CLPB: variants seen among roughly 807,000 people sequenced by gnomAD.
CLPB encodes the protein ClpB family mitochondrial disaggregase, also known as mitochondrial disaggregase.
A neutral mutation model predicts 78.4 loss-of-function variants in CLPB; 40 were observed. The observed-to-expected ratio is 0.51, with a 90% CI of 0.40 to 0.66. The LOEUF is 0.66. CLPB is among the 30% of genes least tolerant of loss of function. The pLI is 0.00. For synonymous variants in CLPB, 333 were observed against 348.0 expected (o/e 0.96, Z 0.48); for missense variants, 780 against 886.9 (o/e 0.88, Z 1.53).
intron 2 of CLPB, among the ~76,000 whole-genome samples, chr11:72,417,715 T>C (rs1856064136): frequency 6.6e-6 from 1 of 152,168 alleles, no homozygotes; most frequent in Non-Finnish European, 1.5e-5. Context: ...GGCTGGATGT[T>C]GACCATCAGA....
intron 2 of CLPB, among the ~76,000 whole-genome samples, chr11:72,425,432 C>T (rs573821762): frequency 6.6e-5 from 10 of 152,276 alleles, no homozygotes; most frequent in African/African-American, 2.4e-4. Flanking sequence ...TTATTATCAT[C>T]TTCATGTTAG....
chr11:72,301,979 G>A lies in CLPB; in HGVS notation c.1168-15C>T, dbSNP rs926956789. On this transcript the variant is annotated splice_polypyrimidine_tract_variant and intron_variant, in intron 10 of 15. Coordinates refer to ENST00000538039, the MANE Select transcript of CLPB (RefSeq NM_001258392.3). ...AACTTGGCCACCTGGTAGAAGGAAG[G>A]AAACATGCTAGGAAGGCCTTTCTGT... 1.2e-6 allele frequency: 2 copies of A among 1,612,848 alleles called. No individual in the cohort carries two copies. Among genetic ancestry groups the A allele is most frequent in the East Asian group, 4.5e-5 (2 of 44,880 alleles).
intron 6 of CLPB, among the ~76,000 whole-genome samples, chr11:72,327,633 C>T (rs1456757576): frequency 6.6e-6 from 1 of 152,164 alleles, no homozygotes; most frequent in Non-Finnish European, 1.5e-5. Flanking sequence ...GTCACACAAG[C>T]TCAAAAGCTA....
intron 5 of CLPB, among the ~76,000 whole-genome samples, chr11:72,338,072 T>C (rs190504069): frequency 6.6e-6 from 1 of 152,162 alleles, no homozygotes; most frequent in Admixed American, 6.5e-5. Context: ...ATCCAGACAT[T>C]CCCCATTCCA....
chr11:72,426,798 A>G (rs1856392161), intron 2 of CLPB, among the ~76,000 whole-genome samples: 2 of 152,218 alleles, frequency 1.3e-5, no homozygotes, highest in Admixed American at 6.5e-5. Context: ...GATGAAATAT[A>G]GCCCACAGAC....
intron 4 of CLPB, chr11:72,372,836 T>G (rs1951068814): frequency 8.2e-7 from 1 of 1,222,398 alleles, no homozygotes; most frequent in Admixed American, 1.7e-5. Context: ...GGTAGTTAAC[T>G]TATACTGAGT....
chr11:72,311,248 G>A (rs1949840270), intron 7 of CLPB, among the ~76,000 whole-genome samples: 1 of 152,144 alleles, frequency 6.6e-6, no homozygotes, highest in African/African-American at 2.4e-5. Context: ...GGGCCTTGAG[G>A]ATCCCGTCAG....
chr11:72,362,737 T>G (rs1431798258), intron 4 of CLPB, among the ~76,000 whole-genome samples: 1 of 152,194 alleles, frequency 6.6e-6, no homozygotes, highest in African/African-American at 2.4e-5. Flanking sequence ...GCCTAGCATA[T>G]AGTAGCTCTC....
At chr11:72,371,166 C>T (rs1268284070) in intron 4 of CLPB, among the ~76,000 whole-genome samples, 1 of 152,058 alleles carries the variant, frequency 6.6e-6, no homozygotes, top group Non-Finnish European at 1.5e-5. Flanking sequence ...TGGGCTCAGG[C>T]AATCCTCCTG....
intron 7 of CLPB, 60 bp from the exon 8 acceptor site, chr11:72,308,664 A>G (rs1248889831): frequency 9.8e-6 from 14 of 1,422,508 alleles, no homozygotes; most frequent in African/African-American, 1.4e-5. Context: ...CAATGACACA[A>G]AAGGCAGGAT....
intron 2 of CLPB, among the ~76,000 whole-genome samples, chr11:72,409,473 A>G (rs1188016912): frequency 3.3e-5 from 5 of 151,926 alleles, no homozygotes; most frequent in Admixed American, 3.3e-4. Context: ...AATCCCAGCT[A>G]CTCGGGTGGC....
At chr11:72,415,506 G>A (rs1045508215) in intron 2 of CLPB, among the ~76,000 whole-genome samples, 1 of 152,168 alleles carries the variant, frequency 6.6e-6, no homozygotes, top group Non-Finnish European at 1.5e-5. Context: ...CCTTCTAGTC[G>A]CATGCTGAGA....
chr11:72,383,016 T>C (rs926405573), intron 3 of CLPB, among the ~76,000 whole-genome samples: 1 of 151,840 alleles, frequency 6.6e-6, no homozygotes, highest in Non-Finnish European at 1.5e-5. Context: ...TTGAAATTAT[T>C]TTTTTAAAAA....
chr11:72,308,770 C>T (rs1237704847), intron 7 of CLPB, among the ~76,000 whole-genome samples, 166 bp from the exon 8 acceptor site: 1 of 152,172 alleles, frequency 6.6e-6, no homozygotes, highest in East Asian at 1.9e-4. Context: ...CTGGCAAGGC[C>T]CCTAGAGACA....
rs562541078 is a variant in CLPB at position 72,361,527 on chromosome 11, A to C, written c.647-2519T>G. ...AGGCCAGGGAGGATGCTACAGAACC[A>C]AGCAGATTGATTACAATCAAGCACT... On this transcript the variant is annotated intron_variant, in intron 4 of 15. Transcript: ENST00000538039. 3.3e-5 allele frequency among the ~76,000 whole-genome samples: 5 copies of C among 152,334 alleles called. No individual in the cohort carries two copies. In the East Asian group the frequency reaches 9.6e-4, roughly 29 times the overall value.
chr11:72,289,399 G>C lies in CLPB; in HGVS notation c.*3968C>G, dbSNP rs983425882. ...CTAGTAGGAATACTGCACACAGGCT[G>C]GTTACTAGCTGACTTAACTAGAGCC... On this transcript the variant is annotated 3_prime_UTR_variant, in exon 16 of 16. Coordinates refer to ENST00000538039, the MANE Select transcript of CLPB (RefSeq NM_001258392.3). 1 of 152,030 alleles carries C rather than the reference G, an allele frequency of 6.6e-6. No individual in the cohort carries two copies. Among genetic ancestry groups the C allele is most frequent in the Non-Finnish European group, 1.5e-5 (1 of 68,032 alleles). The allele number at this position is 152,030 out of a possible 1,614,324, so 9.4% of individuals were successfully genotyped here.
chr11:72,417,361 A>G (rs565753259), intron 2 of CLPB, among the ~76,000 whole-genome samples: 1 of 152,350 alleles, frequency 6.6e-6, no homozygotes, highest in South Asian at 2.1e-4. Flanking sequence ...GTATAATTCC[A>G]TTTATATGAA....
intron 5 of CLPB, chr11:72,355,332 G>C (rs1170825087): frequency 2.6e-5 from 4 of 152,214 alleles, no homozygotes; most frequent in Non-Finnish European, 5.9e-5. Context: ...ACTTTAGGCA[G>C]GATGGGAATA....
rs1267886364 is a variant in CLPB, at chr11:72,295,479, T to G, written c.1486+13A>C. ...TGGTCACTGGACCAGACTGCTCAGG[T>G]CAGCCGCCATACCCAGGTTTTCGGC... On this transcript the variant is annotated intron_variant, in intron 12 of 15. Coordinates refer to ENST00000538039, the MANE Select transcript of CLPB (RefSeq NM_001258392.3). 1 of 1,612,860 alleles carries G rather than the reference T, an allele frequency of 6.2e-7. No individual in the cohort carries two copies. Among genetic ancestry groups the G allele is most frequent in the Admixed American group, 1.7e-5 (1 of 59,958 alleles).
Sources: gnomAD v4.1 joint callset for allele counts (sites outside exome capture counted in the v4.1 genomes callset) on GRCh38, gnomAD v4.1.1 for gene constraint, MANE v1.5 for transcripts, NCBI Gene and HGNC (gene_info 2026-07-23, HGNC 2026-07-21) for gene names.